Variants in INVS observed in about 807,000 individuals in gnomAD.
INVS encodes the protein inversin.
A neutral mutation model predicts 108.8 loss-of-function variants in INVS; 86 were observed. The observed-to-expected ratio is 0.79, with a 90% CI of 0.66 to 0.95. The LOEUF (loss-of-function observed/expected upper bound fraction) is 0.95, where lower values mean the gene tolerates loss of function less well. Among genes scored for constraint, INVS ranks in the 40% least tolerant of loss-of-function variants. The probability of loss-of-function intolerance (pLI) is 0.00; values close to 1 mark genes in which losing one functional copy is unlikely to be tolerated. For synonymous variants in INVS, 455 were observed against 473.5 expected, an observed-to-expected ratio of 0.96 and a Z score of 0.51; for missense variants, 1,169 against 1,297.4, an observed-to-expected ratio of 0.90 and a Z score of 1.52.
intron 3 of INVS, among the ~76,000 whole-genome samples, chr9:100,220,593 C>T (rs1831115967): frequency 6.6e-6 from 1 of 152,144 alleles, no homozygotes; most frequent in Non-Finnish European, 1.5e-5. Context: ...TTATCTCCTT[C>T]GCTCTTATAC....
In INVS at chr9:100,284,401, C is replaced by T. The variant is rs1382461143; in HGVS notation, c.1866C>T (p.Ala622=). The change falls in exon 13 of 17, where the codon GCC becomes GCT. Residue 622 remains alanine, a synonymous_variant. Transcript: ENST00000262457. Reference sequence around the variant, plus strand: ...GCCCAGATTCCTGCAGACCCCAGGCCCTTCCCTGTCTGCCTAGCACCCAGG... The same window carrying T: ...GCCCAGATTCCTGCAGACCCCAGGCTCTTCCCTGTCTGCCTAGCACCCAGG... ...RRSPDSCRPQ[A]LPCLPSTQDV... 2 of 1,613,916 alleles carry T rather than the reference C, an allele frequency of 1.2e-6. No individual in the cohort carries two copies. The highest frequency in any genetic ancestry group is 2.2e-5 in the East Asian group (1 of 44,900).
intron 1 of INVS, chr9:100,101,715 G>A (rs964095039): frequency 7.9e-5 from 12 of 152,164 alleles, no homozygotes; most frequent in Non-Finnish European, 1.8e-4. Flanking sequence ...AGATCCCCAG[G>A]AGTAACAGCG....
intron 3 of INVS, among the ~76,000 whole-genome samples, chr9:100,195,601 G>C (rs10989008): frequency 0.19 from 29,335 of 151,902 alleles, 4,509 homozygotes; most frequent in African/African-American, 0.43. Flanking sequence ...AATTCTCCTG[G>C]CTCAGCCTCC....
chr9:100,282,344 C>T (rs1254316615), intron 12 of INVS, among the ~76,000 whole-genome samples: 1 of 151,982 alleles, frequency 6.6e-6, no homozygotes, highest in Non-Finnish European at 1.5e-5. Flanking sequence ...GTCACAAAAC[C>T]AGAGTCAAAT....
At chr9:100,236,922 A>C (rs1831704583) in intron 5 of INVS, among the ~76,000 whole-genome samples, 1 of 152,204 alleles carries the variant, frequency 6.6e-6, no homozygotes, top group East Asian at 1.9e-4. Flanking sequence ...CAGAGCTGGC[A>C]GGCAGGAACA....
intron 7 of INVS, 99 bp downstream of exon 7, chr9:100,242,778 T>G: frequency 1.3e-6 from 1 of 761,792 alleles, no homozygotes; most frequent in Non-Finnish European, 2.4e-6. Context: ...TACAACAAGA[T>G]TGCATGTACC....
At chr9:100,188,468 G>A (rs1830119563) in intron 3 of INVS, among the ~76,000 whole-genome samples, 2 of 152,056 alleles carry the variant, frequency 1.3e-5, no homozygotes, top group South Asian at 4.1e-4. Context: ...TTCCATTTAT[G>A]TGATGAATCG....
chr9:100,147,600 T>C (rs776459704), intron 3 of INVS, among the ~76,000 whole-genome samples: 1 of 152,156 alleles, frequency 6.6e-6, no homozygotes, highest in Non-Finnish European at 1.5e-5. Flanking sequence ...TTTCTGGTAA[T>C]TTATCCTAAA....
In INVS at chr9:100,292,425, A is replaced by C; in HGVS notation, c.2168A>C (p.Glu723Ala). The change falls in exon 14 of 17, where the codon GAG becomes GCG. Residue 723 changes from glutamate to alanine, a missense_variant. Glu to Ala is a moderately radical substitution (Grantham distance 107, BLOSUM62 -1). Coordinates refer to ENST00000262457, the MANE Select transcript of INVS (RefSeq NM_014425.5). ...AGGCATCCAGGAGTTCCCTCTGTTG[A>C]GAAGTCCAGAGGTGAGACAGCTGGC... ...GSRHPGVPSV[E>A]KSRGETAGDE... 6.2e-7 allele frequency: 1 copy of C among 1,614,162 alleles called. No homozygotes were observed. The highest frequency in any genetic ancestry group is 1.1e-5 in the South Asian group (1 of 91,088).
At chr9:100,241,225 C>A (rs924918505) in intron 6 of INVS, among the ~76,000 whole-genome samples, 34 of 151,980 alleles carry the variant, frequency 2.2e-4, no homozygotes, top group African/African-American at 8.2e-4. Context: ...CATCTTACAT[C>A]CCTTTTTATT....
chr9:100,283,030 C>T (rs564132745), intron 12 of INVS, among the ~76,000 whole-genome samples: 8 of 152,288 alleles, frequency 5.3e-5, no homozygotes, highest in East Asian at 1.9e-4. Flanking sequence ...CCTTTTCAGC[C>T]GGGCGCGGTG....
At chr9:100,154,643 A>G (rs1394541472) in intron 3 of INVS, among the ~76,000 whole-genome samples, 2 of 152,134 alleles carry the variant, frequency 1.3e-5, no homozygotes, top group African/African-American at 4.8e-5. Context: ...TCTATTTTAT[A>G]TATAACTATG....
At chr9:100,154,331 A>ATTTTTTTTTTTGTTTTTTTTT (rs1828899589) in intron 3 of INVS, among the ~76,000 whole-genome samples, 1 of 68,580 alleles carries the variant, frequency 1.5e-5, no homozygotes, top group Non-Finnish European at 2.5e-5. Context: ...CAACCGACTA[A>ATTTTTTTTTTTGTTTTTTTTT]TTTTTTTTTT....
At chr9:100,108,562 A>G (rs569625979) in intron 2 of INVS, among the ~76,000 whole-genome samples, 57 of 152,344 alleles carry the variant, frequency 3.7e-4, no homozygotes, top group Middle Eastern at 3.4e-3. Flanking sequence ...TATGTATCAC[A>G]TATTTGATGA....
In INVS at chr9:100,292,715, C is replaced by T. The variant is rs774001464; in HGVS notation, c.2458C>T (p.His820Tyr). The T allele has an allele frequency of 1.9e-6, 3 of 1,614,052 alleles. No homozygotes were observed. The highest frequency in any genetic ancestry group is 2.7e-5 in the African/African-American group (2 of 74,914). Residue 820 changes from histidine to tyrosine, a missense_variant, in exon 14 of 17, where the codon CAT becomes TAT. Physicochemically the swap from His to Tyr is moderately conservative, Grantham distance 83. Around this residue, in one of 3 missense-constraint regions of INVS, gnomAD observed 533 missense variants for 536.0 expected, o/e 0.99. Coordinates refer to ENST00000262457, the MANE Select transcript of INVS (RefSeq NM_014425.5). Reference protein sequence around the residue: ...RPGSARGEAVHAGQNPPHHRT... With the variant: ...RPGSARGEAVYAGQNPPHHRT... ...TGGCAGTGCCCGGGGGGAGGCGGTC[C>T]ATGCTGGGCAGAATCCTCCCCACCA... is the stretch of plus-strand genomic sequence containing the variant.
chr9:100,131,639 A>G (rs141946975), intron 3 of INVS, among the ~76,000 whole-genome samples: 244 of 152,286 alleles, frequency 1.6e-3, no homozygotes, highest in African/African-American at 5.0e-3. Context: ...ACATTTGTTA[A>G]TAAGGATAAA....
At chr9:100,109,926 C>T (rs1016523222) in intron 2 of INVS, among the ~76,000 whole-genome samples, 28 of 152,218 alleles carry the variant, frequency 1.8e-4, no homozygotes, top group African/African-American at 5.1e-4. Flanking sequence ...CTCGGCCTCC[C>T]GAAGTGCTGG....
At chr9:100,268,230 T>TA (rs1000750049) in intron 11 of INVS, among the ~76,000 whole-genome samples, 1 of 151,996 alleles carries the variant, frequency 6.6e-6, no homozygotes, top group East Asian at 1.9e-4. Context: ...TATACAGGAT[T>TA]AAAAAAAAGA....
rs376889771 is a variant in INVS at position 100,301,356 on chromosome 9, C to A, written c.*682C>A. On this transcript the variant is annotated 3_prime_UTR_variant, in exon 17 of 17. Coordinates refer to ENST00000262457, the MANE Select transcript of INVS (RefSeq NM_014425.5). ...GCCACAAGTTGCCGCCACGTCTTCA[C>A]TGAATGGCTTTCTCAGTGCTGAATA... is the stretch of plus-strand genomic sequence containing the variant. Among the ~76,000 whole-genome samples, 20 of 152,314 alleles carry A rather than the reference C, an allele frequency of 1.3e-4. No homozygotes were observed. Among genetic ancestry groups the A allele is most frequent in the African/African-American group, 4.8e-4 (20 of 41,568 alleles).
Sources: allele counts gnomAD v4.1 joint callset (sites outside exome capture counted in the v4.1 genomes callset), GRCh38; gene constraint gnomAD v4.1.1; regional missense constraint gnomAD v4.1.1; transcripts MANE v1.5; gene names NCBI Gene and HGNC (gene_info 2026-07-23, HGNC 2026-07-21).